The following COMMD1 variants were observed in gnomAD, a reference collection of about 807,000 sequenced individuals.
COMMD1 encodes the protein copper metabolism domain containing 1.
COMMD1 carries 10 observed loss-of-function variants against 17.2 expected under a neutral mutation model. The observed-to-expected ratio is 0.58, with a 90% CI of 0.36 to 0.99. COMMD1 has a LOEUF of 0.99. COMMD1 is among the 50% of genes least tolerant of loss of function. The pLI is 0.01. For missense variants in COMMD1, 270 were observed against 231.8 expected, an observed-to-expected ratio of 1.17 and a Z score of -1.07; for synonymous variants, 97 against 91.6, an observed-to-expected ratio of 1.06 and a Z score of -0.34.
intron 2 of COMMD1, among the ~76,000 whole-genome samples, chr2:62,113,190 T>TAA (rs532292925): frequency 5.6e-4 from 82 of 145,562 alleles, no homozygotes; most frequent in African/African-American, 2.0e-3. Flanking sequence ...ACAAAAAAAT[T>TAA]AAAAAAAAAA....
intron 2 of COMMD1, among the ~76,000 whole-genome samples, chr2:62,103,282 C>T (rs1032464049): frequency 6.6e-6 from 1 of 152,104 alleles, no homozygotes; most frequent in African/African-American, 2.4e-5. Context: ...GGCCTCCAAT[C>T]GTATTTCTAT....
chr2:62,065,092 G>A (rs184968774), intron 2 of COMMD1, among the ~76,000 whole-genome samples: 9 of 152,202 alleles, frequency 5.9e-5, no homozygotes, highest in Admixed American at 5.2e-4. Context: ...CAGGAGAATG[G>A]CTTGAGCCCA....
intron 1 of COMMD1, among the ~76,000 whole-genome samples, chr2:61,962,827 A>G (rs1484186579): frequency 6.6e-6 from 1 of 152,010 alleles, no homozygotes; most frequent in African/African-American, 2.4e-5. Context: ...GGTGTCTCTT[A>G]TTTTCACTGG....
In COMMD1 at chr2:62,119,844, G is replaced by C. The variant is rs570579492; in HGVS notation, c.463-15987G>C. On this transcript the variant is annotated intron_variant, in intron 2 of 2. Coordinates refer to ENST00000311832, the MANE Select transcript of COMMD1 (RefSeq NM_152516.4). ...ATGCTGTGTTCCTGTTTTTGTATTA[G>C]ATGTATTATGATATTTCCCCATCTT... is the stretch of plus-strand genomic sequence containing the variant. Among the ~76,000 whole-genome samples, 20 of 152,216 alleles carry C rather than the reference G, an allele frequency of 1.3e-4. No individual in the cohort carries two copies. The South Asian group carries it at 4.2e-3, about 32-fold the overall frequency.
chr2:61,938,094 T>C (rs949553165), intron 1 of COMMD1, among the ~76,000 whole-genome samples: 1 of 152,162 alleles, frequency 6.6e-6, no homozygotes, highest in African/African-American at 2.4e-5. Context: ...GAGAGGGCTC[T>C]CCTCTACCAA....
chr2:61,893,096 A>G (rs1669474141), intron 1 of COMMD1, among the ~76,000 whole-genome samples: 1 of 152,052 alleles, frequency 6.6e-6, no homozygotes, highest in African/African-American at 2.4e-5. Flanking sequence ...CGAACTCCCG[A>G]CCACAGGTGA....
intron 1 of COMMD1, among the ~76,000 whole-genome samples, chr2:61,934,679 A>G (rs778899081): frequency 6.6e-5 from 10 of 152,230 alleles, no homozygotes; most frequent in Non-Finnish European, 1.3e-4. Flanking sequence ...GGGATGTGAA[A>G]TTGAGAGGCA....
intron 2 of COMMD1, among the ~76,000 whole-genome samples, chr2:62,101,097 T>TA (rs60837521): frequency 0.93 from 135,708 of 146,478 alleles, 63,073 homozygotes; most frequent in East Asian, 0.99. Context: ...GGGCAAGATT[T>TA]AAAAAAAAAA....
chr2:61,910,332 C>T (rs1465476714), intron 1 of COMMD1, among the ~76,000 whole-genome samples: 1 of 151,748 alleles, frequency 6.6e-6, no homozygotes. Flanking sequence ...CTCACTGCAA[C>T]CTCTACCTCC....
chr2:62,000,659 C>G, intron 1 of COMMD1, 42 bp from the exon 2 acceptor site: 1 of 1,575,546 alleles, frequency 6.3e-7, no homozygotes, highest in South Asian at 1.1e-5. Flanking sequence ...TTCTAATTAC[C>G]TATTTAATTC....
At chr2:61,954,201 T>C (rs1671135011) in intron 1 of COMMD1, among the ~76,000 whole-genome samples, 1 of 151,972 alleles carries the variant, frequency 6.6e-6, no homozygotes, top group Non-Finnish European at 1.5e-5. Flanking sequence ...AGAGTGAGAC[T>C]CTGTCTCAAA....
At chr2:62,043,972 A>G (rs1670306172) in intron 2 of COMMD1, among the ~76,000 whole-genome samples, 1 of 151,962 alleles carries the variant, frequency 6.6e-6, no homozygotes. Flanking sequence ...TTTTTGTTAT[A>G]TTTTTGTTTT....
At chr2:62,119,389 A>G (rs1270244667) in intron 2 of COMMD1, among the ~76,000 whole-genome samples, 2 of 152,228 alleles carry the variant, frequency 1.3e-5, no homozygotes, top group Non-Finnish European at 2.9e-5. Flanking sequence ...TCATATATAA[A>G]CAGAGATATA....
intron 2 of COMMD1, among the ~76,000 whole-genome samples, chr2:62,102,330 A>G (rs973110052): frequency 1.3e-5 from 2 of 152,042 alleles, no homozygotes; most frequent in African/African-American, 4.8e-5. Flanking sequence ...ATATTCCTAT[A>G]TTTCTTATGA....
chr2:61,986,229 T>C (rs1672101829), intron 1 of COMMD1, among the ~76,000 whole-genome samples: 1 of 152,142 alleles, frequency 6.6e-6, no homozygotes, highest in South Asian at 2.1e-4. Flanking sequence ...AGGGTTCCAC[T>C]GAAAAGCCTG....
chr2:62,041,227 GTTTAT>G (rs1670186354), intron 2 of COMMD1, among the ~76,000 whole-genome samples: 2 of 152,042 alleles, frequency 1.3e-5, no homozygotes, highest in South Asian at 4.2e-4. Context: ...CGTGGCTTTA[GTTTAT>G]TTTAAATTAA....
chr2:61,979,120 A>G (rs1402127692), intron 1 of COMMD1, among the ~76,000 whole-genome samples: 1 of 151,932 alleles, frequency 6.6e-6, no homozygotes, highest in African/African-American at 2.4e-5. Context: ...ACCTCCCACT[A>G]TCCTTCCCAG....
At position 62,057,021 on chromosome 2, in the gene COMMD1, C is replaced by G. The variant is rs193060940; in HGVS notation, c.462+56039C>G. On this transcript the variant is annotated intron_variant, in intron 2 of 2. Transcript: ENST00000311832. ...GACAGCAACCAAAACAAGATTGTTA[C>G]AGAGTAGACTGGACATAAGCAACAC... Among the ~76,000 whole-genome samples, 33 of 152,250 alleles carry G rather than the reference C, an allele frequency of 2.2e-4. No individual in the cohort carries two copies. The East Asian group carries it at 5.8e-3, about 27-fold the overall frequency.
intron 2 of COMMD1, among the ~76,000 whole-genome samples, chr2:62,018,074 G>A (rs1205022490): frequency 2.6e-5 from 4 of 151,904 alleles, no homozygotes; most frequent in African/African-American, 9.7e-5. Flanking sequence ...CTGACTTTAT[G>A]TGGAGGTAAG....
Sources: allele counts gnomAD v4.1 joint callset (sites outside exome capture counted in the v4.1 genomes callset), GRCh38; gene constraint gnomAD v4.1.1; transcripts MANE v1.5; gene names NCBI Gene and HGNC (gene_info 2026-07-23, HGNC 2026-07-21).